The following CFAP43 variants were observed in gnomAD, a reference collection of about 807,000 sequenced individuals.
CFAP43 encodes the protein cilia- and flagella-associated protein 43.
A neutral mutation model predicts 218.9 loss-of-function variants in CFAP43; 155 were observed. The ratio of observed to expected loss-of-function variants is 0.71; its 90% CI spans 0.62 to 0.81. The LOEUF is 0.81. CFAP43 is among the 30% of genes least tolerant of loss of function. The pLI is 0.00. For synonymous variants in CFAP43, 645 were observed against 681.3 expected (o/e 0.95, Z 0.83); for missense variants, 1,778 against 1,954.3 (o/e 0.91, Z 1.70).
intron 19 of CFAP43, among the ~76,000 whole-genome samples, chr10:104,173,941 G>A (rs1300875816): frequency 6.6e-6 from 1 of 152,200 alleles, no homozygotes; most frequent in East Asian, 1.9e-4. Context: ...AAAGTTAATT[G>A]AGTGAGAAGG....
chr10:104,211,036 C>A (rs1030999706), intron 5 of CFAP43, among the ~76,000 whole-genome samples: 1 of 151,912 alleles, frequency 6.6e-6, no homozygotes, highest in Non-Finnish European at 1.5e-5. Flanking sequence ...CGTGATCCAC[C>A]CGTCTCGGCC....
intron 1 of CFAP43, 53 bp from the exon 2 acceptor site, chr10:104,230,896 T>G (rs1360937619): frequency 1.3e-6 from 2 of 1,511,022 alleles, no homozygotes; most frequent in Non-Finnish European, 1.8e-6. Context: ...ATACTTTTTT[T>G]TTTTTAACAA....
At chr10:104,224,004 G>A (rs1256378807) in intron 3 of CFAP43, among the ~76,000 whole-genome samples, 2 of 152,184 alleles carry the variant, frequency 1.3e-5, no homozygotes, top group African/African-American at 4.8e-5. Flanking sequence ...TAATGAAGAA[G>A]CTCTGAAGGA....
intron 35 of CFAP43, chr10:104,132,608 C>T (rs2087251006): frequency 2.0e-6 from 2 of 982,774 alleles, no homozygotes; most frequent in Non-Finnish European, 1.2e-6. Flanking sequence ...GAGCAAAACC[C>T]CATCTCAAAA....
chr10:104,202,742 T>C (rs2090568007), intron 8 of CFAP43, among the ~76,000 whole-genome samples: 1 of 152,116 alleles, frequency 6.6e-6, no homozygotes, highest in East Asian at 1.9e-4. Flanking sequence ...TCTTTTATGA[T>C]ATCTTTTTCC....
chr10:104,170,844 G>A (rs1022868724), intron 20 of CFAP43, among the ~76,000 whole-genome samples: 2 of 152,016 alleles, frequency 1.3e-5, no homozygotes, highest in South Asian at 2.1e-4. Flanking sequence ...ATACAAGCTC[G>A]TCAGGGCTAG....
At chr10:104,228,512 T>C (rs1457467235) in intron 2 of CFAP43, among the ~76,000 whole-genome samples, 2 of 152,164 alleles carry the variant, frequency 1.3e-5, no homozygotes, top group Non-Finnish European at 2.9e-5. Context: ...ATTCTCTATG[T>C]TTTATTTTCC....
intron 34 of CFAP43, 74 bp from the exon 35 acceptor site, chr10:104,133,858 C>A: frequency 2.3e-6 from 3 of 1,285,876 alleles, no homozygotes; most frequent in Non-Finnish European, 3.2e-6. Context: ...AGGCTGAATG[C>A]TATTTTTAGA....
intron 9 of CFAP43, 64 bp downstream of exon 9, chr10:104,197,858 G>C: frequency 5.3e-6 from 6 of 1,135,852 alleles, no homozygotes; most frequent in Non-Finnish European, 7.8e-6. Flanking sequence ...TATAAATGGG[G>C]ATTTAAATCT....
rs116742886 is a variant in CFAP43 at position 104,162,120 on chromosome 10, C to T, written c.3334-79G>A. On this transcript the variant is annotated intron_variant, in intron 25 of 37. Transcript: ENST00000357060. ...AGGTGGCTCCAGAGGCAGCTTCCCACCCAACATTAGAATGACTGCATTTGG... is the reference window on the plus strand; with the variant it reads ...AGGTGGCTCCAGAGGCAGCTTCCCATCCAACATTAGAATGACTGCATTTGG... 759 of 1,441,094 alleles carry T rather than the reference C, an allele frequency of 5.3e-4. 3 individuals are homozygous for T. The African/African-American group carries it at 0.01, about 19-fold the overall frequency. 89.3% of individuals were successfully genotyped at this position (1,441,094 alleles called of 1,614,324 possible).
chr10:104,132,647 G>A (rs576892340), intron 35 of CFAP43: 3 of 985,314 alleles, frequency 3.0e-6, no homozygotes, highest in Admixed American at 6.1e-5. Flanking sequence ...TTTGGCTTTT[G>A]TGCCATAATA....
Position 104,133,629 on chromosome 10 carries a change from A to G in CFAP43, c.4587T>C (p.Asp1529=). ...WDIQMLFFSR[D]RQKYLNEPNY... ...GGTAGGGAGAATTTACCTTTTGACG[A>G]TCTCTTGAAAAAAATAGCATCTGAA... The change falls in exon 35 of 38, where the codon GAT becomes GAC. Residue 1529 remains aspartate, a synonymous_variant. Transcript: ENST00000357060. 1 of 1,611,048 alleles carries G rather than the reference A, an allele frequency of 6.2e-7. No homozygotes were observed. Among genetic ancestry groups the G allele is most frequent in the Non-Finnish European group, 8.5e-7 (1 of 1,179,164 alleles).
Position 104,187,346 on chromosome 10 carries a change from T to C in CFAP43, c.1834A>G (p.Ile612Val). The change falls in exon 14 of 38, where the codon ATC becomes GTC. Residue 612 changes from isoleucine (I) to valine (V), a missense_variant. Ile to Val is a conservative substitution (Grantham distance 29). This residue lies in a region of CFAP43 where 1,553 missense variants were observed against 1,685.2 expected (regional missense o/e 0.92). Transcript: ENST00000357060. Reference sequence around the variant, plus strand: ...TCTTCAGGAAGAAGGTAGCTACAGATGTATGGCACTTGACTACAGAAGCCA... The same window carrying C: ...TCTTCAGGAAGAAGGTAGCTACAGACGTATGGCACTTGACTACAGAAGCCA... The part of the protein sequence containing the change: ...IYGFCSQVPY[I>V]CSYLLPEEEH... 1.2e-6 allele frequency: 2 copies of C among 1,605,516 alleles called. No individual in the cohort carries two copies. The highest frequency in any genetic ancestry group is 1.7e-6 in the Non-Finnish European group (2 of 1,177,850).
chr10:104,163,470 T>A (rs1306097274), intron 24 of CFAP43, among the ~76,000 whole-genome samples: 1 of 152,220 alleles, frequency 6.6e-6, no homozygotes, highest in East Asian at 1.9e-4. Context: ...TTTTTACTTT[T>A]AAAAAATGAA....
intron 11 of CFAP43, chr10:104,193,586 A>G (rs2090294242): frequency 2.9e-6 from 1 of 339,462 alleles, no homozygotes; most frequent in South Asian, 4.2e-5. Context: ...TGATACAAGT[A>G]AAAAGAAGTG....
At chr10:104,230,883 C>A in intron 1 of CFAP43, 40 bp from the exon 2 acceptor site, 2 of 1,523,852 alleles carry the variant, frequency 1.3e-6, no homozygotes, top group Non-Finnish European at 1.8e-6. Context: ...TAATACATTT[C>A]AAATACTTTT....
At chr10:104,190,161 G>GAAAAAAAA (rs2090166372) in intron 12 of CFAP43, among the ~76,000 whole-genome samples, 1 of 133,808 alleles carries the variant, frequency 7.5e-6, no homozygotes. Context: ...AAAAAAAAAG[G>GAAAAAAAA]AAACAAAAAC....
At chr10:104,175,006 G>A (rs1054552413) in intron 19 of CFAP43, among the ~76,000 whole-genome samples, 2 of 151,734 alleles carry the variant, frequency 1.3e-5, no homozygotes, top group Non-Finnish European at 2.9e-5. Context: ...AGTGAGCCGA[G>A]ATCATGCCAA....
intron 34 of CFAP43, among the ~76,000 whole-genome samples, chr10:104,136,483 G>A (rs528885927): frequency 5.3e-5 from 8 of 151,770 alleles, no homozygotes; most frequent in African/African-American, 1.9e-4. Flanking sequence ...TGAGTCTCCT[G>A]CCTCAGCCTC....
Sources: allele counts gnomAD v4.1 joint callset (sites outside exome capture counted in the v4.1 genomes callset), GRCh38; gene constraint gnomAD v4.1.1; regional missense constraint gnomAD v4.1.1; transcripts MANE v1.5; gene names NCBI Gene and HGNC (gene_info 2026-07-23, HGNC 2026-07-21).